Variants in TENM3 observed in about 807,000 individuals in gnomAD.
TENM3 encodes teneurin-3.
TENM3 carries 63 observed loss-of-function variants against 255.1 expected under a neutral mutation model. That is an observed-to-expected ratio of 0.25 (90% confidence interval 0.20 to 0.30). The LOEUF is 0.30. Among genes scored for constraint, TENM3 ranks in the 10% least tolerant of loss-of-function variants. The pLI, the probability that TENM3 is intolerant of heterozygous loss-of-function variation, is 1.00. For missense variants in TENM3, 2,929 were observed against 3,461.1 expected, an observed-to-expected ratio of 0.85 and a Z score of 3.86; for synonymous variants, 1,306 against 1,322.3, an observed-to-expected ratio of 0.99 and a Z score of 0.27.
chr4:182,648,582 G>A (rs1307050167), intron 5 of TENM3, among the ~76,000 whole-genome samples: 1 of 152,072 alleles, frequency 6.6e-6, no homozygotes, highest in Admixed American at 6.6e-5. Context: ...ACTGCGCCCT[G>A]CCTAAGTAAT....
At chr4:182,632,077 G>A (rs1395016591) in intron 5 of TENM3, among the ~76,000 whole-genome samples, 1 of 152,166 alleles carries the variant, frequency 6.6e-6, no homozygotes, top group Non-Finnish European at 1.5e-5. Context: ...TTTTTGGTGT[G>A]TATCCTTCCA....
At chr4:181,685,229 T>C in the TENM3 span, among the ~76,000 whole-genome samples, 2 of 152,280 alleles carry the variant, frequency 1.3e-5, no homozygotes, top group Admixed American at 6.5e-5. Context: ...ATTTGTTTAA[T>C]AAGATATTTT....
At chr4:182,701,210 C>T (rs1177948755) in intron 12 of TENM3, among the ~76,000 whole-genome samples, 93 of 38,648 alleles carry the variant, frequency 2.4e-3, no homozygotes, top group South Asian at 6.4e-3. Context: ...CAACTCTTGA[C>T]TTTTTTTTTT....
chr4:182,001,864 T>A, the TENM3 span, among the ~76,000 whole-genome samples: 1 of 152,078 alleles, frequency 6.6e-6, no homozygotes, highest in Non-Finnish European at 1.5e-5. Context: ...ATTTCTAAAA[T>A]GAAGAAAGGA....
intron 3 of TENM3, among the ~76,000 whole-genome samples, chr4:182,591,770 G>A (rs1048560252): frequency 6.6e-6 from 1 of 152,220 alleles, no homozygotes; most frequent in Admixed American, 6.5e-5. Flanking sequence ...GTAAAATGAG[G>A]TCTTTCTTTT....
chr4:181,684,167 G>A, the TENM3 span, among the ~76,000 whole-genome samples: 153 of 152,208 alleles, frequency 1.0e-3, no homozygotes, highest in African/African-American at 3.4e-3. Context: ...TTTAACCTGC[G>A]TCCCAGATCC....
chr4:182,446,131 C>T (rs1772893415), intron 3 of TENM3, among the ~76,000 whole-genome samples: 2 of 152,214 alleles, frequency 1.3e-5, no homozygotes, highest in Admixed American at 6.5e-5. Flanking sequence ...AAAACCATGT[C>T]TCTTCCTCTG....
At chr4:181,705,640 G>T in the TENM3 span, among the ~76,000 whole-genome samples, 1 of 152,148 alleles carries the variant, frequency 6.6e-6, no homozygotes, top group East Asian at 1.9e-4. Flanking sequence ...GCTAATCCAT[G>T]CTGGGCTTAA....
At chr4:182,302,697 T>G (rs1467969162) in intron 1 of TENM3, among the ~76,000 whole-genome samples, 2 of 152,148 alleles carry the variant, frequency 1.3e-5, no homozygotes, top group East Asian at 3.8e-4. Flanking sequence ...AATTCTAAAA[T>G]GGAAGGATAG....
the TENM3 span, among the ~76,000 whole-genome samples, chr4:181,716,625 G>A: frequency 7.2e-5 from 11 of 152,212 alleles, no homozygotes; most frequent in East Asian, 1.5e-3. Flanking sequence ...TTGGTAATCT[G>A]TAAAATCAGA....
chr4:182,360,957 A>C (rs1765931047), intron 3 of TENM3, among the ~76,000 whole-genome samples: 1 of 152,138 alleles, frequency 6.6e-6, no homozygotes, highest in Admixed American at 6.6e-5. Flanking sequence ...TCTGTAAAGT[A>C]TTCTATTTCT....
intron 24 of TENM3, among the ~76,000 whole-genome samples, chr4:182,786,547 A>G (rs1765668110): frequency 7.6e-6 from 1 of 131,344 alleles, no homozygotes; most frequent in African/African-American, 3.3e-5. Context: ...ACAGAGTGAG[A>G]CCCCGTCTTA....
intron 3 of TENM3, among the ~76,000 whole-genome samples, chr4:182,435,090 A>T (rs540955365): frequency 2.1e-4 from 32 of 152,306 alleles, no homozygotes; most frequent in African/African-American, 7.0e-4. Context: ...ACACATCGAG[A>T]ATGCTAGATG....
rs189613243 is a variant in TENM3 at position 182,642,549 on chromosome 4, C to T, written c.989-11222C>T. ...CTTCAAAGCTAAATCACTGTGTGTTCCCATCAAGGCATTTTGATAGCCAAT... is the reference window on the plus strand; with the variant it reads ...CTTCAAAGCTAAATCACTGTGTGTTTCCATCAAGGCATTTTGATAGCCAAT... On this transcript the variant is annotated intron_variant, in intron 5 of 27. Transcript: ENST00000511685. Among the ~76,000 whole-genome samples, 180 of 152,310 alleles carry T rather than the reference C, an allele frequency of 1.2e-3. 1 individual carries two copies. Among genetic ancestry groups the T allele is most frequent in the Middle Eastern group, 6.8e-3 (2 of 294 alleles).
chr4:181,574,448 G>T, the TENM3 span, among the ~76,000 whole-genome samples: 1 of 151,614 alleles, frequency 6.6e-6, no homozygotes, highest in Non-Finnish European at 1.5e-5. Flanking sequence ...GGAGAATGGC[G>T]TGAACCCGGG....
intron 3 of TENM3, among the ~76,000 whole-genome samples, chr4:182,506,823 T>C (rs1736867730): frequency 6.6e-6 from 1 of 152,184 alleles, no homozygotes; most frequent in South Asian, 2.1e-4. Context: ...TTTTTGAACT[T>C]CCTTAACTCT....
intron 3 of TENM3, among the ~76,000 whole-genome samples, chr4:182,361,328 T>A (rs1765961526): frequency 6.6e-6 from 1 of 152,234 alleles, no homozygotes; most frequent in Admixed American, 6.5e-5. Flanking sequence ...CCAACTTGGT[T>A]CCATTCTCCC....
chr4:182,471,512 A>G (rs971273459), intron 3 of TENM3, among the ~76,000 whole-genome samples: 3 of 152,248 alleles, frequency 2.0e-5, no homozygotes, highest in African/African-American at 7.2e-5. Context: ...GCACAATGGT[A>G]TGTATTGGTG....
chr4:182,782,021 AT>A (rs1765215023), intron 24 of TENM3, among the ~76,000 whole-genome samples: 1 of 112,290 alleles, frequency 8.9e-6, no homozygotes, highest in African/African-American at 3.5e-5. Flanking sequence ...GGATTCATTA[AT>A]TTTTTGAAGG....
Sources: gnomAD v4.1 joint callset for allele counts (sites outside exome capture counted in the v4.1 genomes callset) on GRCh38, gnomAD v4.1.1 for gene constraint, MANE v1.5 for transcripts, NCBI Gene and HGNC (gene_info 2026-07-23, HGNC 2026-07-21) for gene names.